Variants in CNTN5 observed in about 807,000 individuals in gnomAD.
CNTN5 encodes the protein contactin 5.
A neutral mutation model predicts 129.1 loss-of-function variants in CNTN5; 77 were observed. The observed-to-expected ratio is 0.60, with a 90% CI of 0.50 to 0.72. CNTN5 has a LOEUF of 0.72. Ranked by LOEUF, CNTN5 falls within the 30% of genes least tolerant of loss-of-function variation. The pLI, the probability that CNTN5 is intolerant of heterozygous loss-of-function variation, is 0.00. For missense variants in CNTN5, 1,478 were observed against 1,328.8 expected, an observed-to-expected ratio of 1.11 and a Z score of -1.75; for synonymous variants, 509 against 465.6, an observed-to-expected ratio of 1.09 and a Z score of -1.20.
chr11:99,726,317 A>C lies in CNTN5; in HGVS notation c.56-93227A>C, dbSNP rs528973137. Among the ~76,000 whole-genome samples, 4 of 152,330 alleles carry C rather than the reference A, an allele frequency of 2.6e-5. No homozygotes were observed. The East Asian group carries it at 7.7e-4, about 29-fold the overall frequency. ...GCCAGAGTAAAAAGCAATTAATAGC[A>C]AAGTATTTTATAAAAGCTTTTTCTG... On this transcript the variant is annotated intron_variant, in intron 3 of 24. Coordinates refer to ENST00000524871, the MANE Select transcript of CNTN5 (RefSeq NM_014361.4).
intron 9 of CNTN5, among the ~76,000 whole-genome samples, chr11:100,042,382 T>A (rs1192834929): frequency 6.6e-6 from 1 of 152,170 alleles, no homozygotes; most frequent in Non-Finnish European, 1.5e-5. Context: ...TTTCCTTTTT[T>A]TTGTGCAAGT....
intron 18 of CNTN5, among the ~76,000 whole-genome samples, chr11:100,286,833 A>C (rs1950806202): frequency 6.6e-6 from 1 of 150,752 alleles, no homozygotes. Flanking sequence ...ATTCAAACCA[A>C]AGGCAAGGAA....
At chr11:99,618,682 T>C (rs1288953238) in intron 3 of CNTN5, among the ~76,000 whole-genome samples, 1 of 152,172 alleles carries the variant, frequency 6.6e-6, no homozygotes, top group Non-Finnish European at 1.5e-5. Flanking sequence ...ATAAATAAGA[T>C]AAACATATAA....
intron 2 of CNTN5, among the ~76,000 whole-genome samples, chr11:99,335,467 C>T (rs1247623030): frequency 6.6e-6 from 1 of 151,704 alleles, no homozygotes; most frequent in African/African-American, 2.4e-5. Flanking sequence ...TTTAGGCATA[C>T]AATGAAAATA....
chr11:100,268,640 G>A (rs549790290), intron 17 of CNTN5, among the ~76,000 whole-genome samples: 8 of 152,252 alleles, frequency 5.3e-5, no homozygotes, highest in African/African-American at 1.7e-4. Context: ...TTATGTAATG[G>A]TAGGCATCAG....
At position 100,093,258 on chromosome 11, in the gene CNTN5, C is replaced by A. The variant is rs1359317488; in HGVS notation, c.1580+18964C>A. ...TACCACAGCTAGTGTTTGTTGATCA[C>A]TTCTGAAAAATGCACTTTTTTTGAG... On this transcript the variant is annotated intron_variant, in intron 13 of 24. Transcript: ENST00000524871. Among the ~76,000 whole-genome samples, 5 of 152,082 alleles carry A rather than the reference C, an allele frequency of 3.3e-5. No individual in the cohort carries two copies. In the East Asian group the frequency reaches 9.7e-4, roughly 30 times the overall value.
At chr11:99,481,257 C>T (rs1245751644) in intron 2 of CNTN5, among the ~76,000 whole-genome samples, 1 of 152,058 alleles carries the variant, frequency 6.6e-6, no homozygotes, top group Non-Finnish European at 1.5e-5. Flanking sequence ...AGGATATTTT[C>T]TCACAATTAT....
chr11:99,207,749 A>G (rs78209837), intron 1 of CNTN5, among the ~76,000 whole-genome samples: 13,277 of 152,202 alleles, frequency 0.087, 613 homozygotes, highest in African/African-American at 0.1. Flanking sequence ...TATTAGATTT[A>G]CACTATTTCT....
intron 6 of CNTN5, among the ~76,000 whole-genome samples, chr11:99,909,489 C>T (rs1949597492): frequency 6.6e-6 from 1 of 152,038 alleles, no homozygotes; most frequent in African/African-American, 2.4e-5. Context: ...ATAAAACATG[C>T]TGCTCTAAAG....
chr11:99,056,870 G>A (rs1191036644), intron 1 of CNTN5, among the ~76,000 whole-genome samples: 2 of 151,934 alleles, frequency 1.3e-5, no homozygotes, highest in African/African-American at 4.8e-5. Flanking sequence ...ACTTGTAAAT[G>A]GTATCTTACA....
intron 1 of CNTN5, among the ~76,000 whole-genome samples, chr11:99,021,669 T>C (rs1456868603): frequency 2.0e-5 from 3 of 152,374 alleles, no homozygotes; most frequent in Middle Eastern, 3.4e-3. Context: ...GTATGCCTTA[T>C]GTTTGAGCAA....
chr11:100,001,457 T>C (rs1255024963), intron 8 of CNTN5, among the ~76,000 whole-genome samples: 2 of 152,218 alleles, frequency 1.3e-5, no homozygotes, highest in Admixed American at 6.5e-5. Context: ...TAATACTTAA[T>C]ACCTCATTCA....
intron 14 of CNTN5, 21 bp downstream of exon 14, chr11:100,191,274 G>A (rs1052169836): frequency 5.6e-6 from 9 of 1,601,486 alleles, no homozygotes; most frequent in African/African-American, 1.3e-5. Flanking sequence ...ACGGGTAAAT[G>A]TTTTACAAGC....
chr11:99,193,915 G>C (rs1858772040), intron 1 of CNTN5, among the ~76,000 whole-genome samples: 1 of 152,134 alleles, frequency 6.6e-6, no homozygotes, highest in Non-Finnish European at 1.5e-5. Flanking sequence ...ATATTCATAA[G>C]AGGTAAAGAA....
At chr11:99,406,814 G>A (rs891871351) in intron 2 of CNTN5, among the ~76,000 whole-genome samples, 4 of 152,138 alleles carry the variant, frequency 2.6e-5, no homozygotes, top group Non-Finnish European at 5.9e-5. Context: ...AGGCAGAGGA[G>A]CTTCATACTG....
intron 10 of CNTN5, 75 bp downstream of exon 10, chr11:100,061,468 ATATTGT>A: frequency 9.0e-7 from 1 of 1,116,226 alleles, no homozygotes. Context: ...CTTTAACTAA[ATATTGT>A]TTGTTAGGTA....
chr11:99,791,450 TG>T (rs1347913481), intron 3 of CNTN5, among the ~76,000 whole-genome samples: 2 of 152,144 alleles, frequency 1.3e-5, no homozygotes, highest in African/African-American at 4.8e-5. Context: ...AGCAGATGGT[TG>T]CAGGTGCATG....
intron 3 of CNTN5, among the ~76,000 whole-genome samples, chr11:99,804,189 A>G (rs1946198941): frequency 6.6e-6 from 1 of 152,096 alleles, no homozygotes; most frequent in Non-Finnish European, 1.5e-5. Flanking sequence ...AATATGAATA[A>G]TAATGTGTTT....
intron 20 of CNTN5, among the ~76,000 whole-genome samples, chr11:100,307,342 G>T (rs1951375304): frequency 6.6e-6 from 1 of 151,624 alleles, no homozygotes; most frequent in African/African-American, 2.4e-5. Context: ...ACTTTGTACA[G>T]AACTGTTTGA....
Sources: allele counts gnomAD v4.1 joint callset (sites outside exome capture counted in the v4.1 genomes callset), GRCh38; gene constraint gnomAD v4.1.1; transcripts MANE v1.5; gene names NCBI Gene and HGNC (gene_info 2026-07-23, HGNC 2026-07-21).